Variants in LAMA3 observed in about 807,000 individuals in gnomAD.
LAMA3 encodes the protein laminin subunit alpha-3.
LAMA3 carries 281 observed loss-of-function variants against 402.0 expected under a neutral mutation model. The observed-to-expected ratio is 0.70, with a 90% CI of 0.63 to 0.77. LAMA3 has a LOEUF of 0.77. Among genes scored for constraint, LAMA3 ranks in the 30% least tolerant of loss-of-function variants. LAMA3 has a pLI of 0.00. For missense variants in LAMA3, 3,840 were observed against 4,215.5 expected (o/e 0.91, Z 2.47); for synonymous variants, 1,431 against 1,558.4 (o/e 0.92, Z 1.93).
At chr18:23,928,603 T>C in intron 63 of LAMA3, 22 bp from the exon 64 acceptor site, 1 of 1,612,576 alleles carries the variant, frequency 6.2e-7, no homozygotes, top group Non-Finnish European at 8.5e-7. Flanking sequence ...TGCCAGTAAT[T>C]TATTCCATGT....
chr18:23,819,665 A>T (rs1372271456), intron 18 of LAMA3, among the ~76,000 whole-genome samples, 176 bp from the exon 19 acceptor site: 1 of 152,204 alleles, frequency 6.6e-6, no homozygotes, highest in African/African-American at 2.4e-5. Context: ...GTGAATGTTT[A>T]TGTGAATTAA....
In LAMA3 at chr18:23,822,385, G is replaced by T. The variant is rs549948961; in HGVS notation, c.2428+10G>T. 1.2e-6 allele frequency: 2 copies of T among 1,612,676 alleles called. No individual in the cohort carries two copies. Among genetic ancestry groups the T allele is most frequent in the East Asian group, 2.2e-5 (1 of 44,872 alleles). On this transcript the variant is annotated intron_variant, in intron 20 of 74. Coordinates refer to ENST00000313654, the MANE Select transcript of LAMA3 (RefSeq NM_198129.4). ...ATTTATCCATCCTGGGGTAAGGCAC[G>T]TAGGTAAAATGTCAAGCCTCTTTTC...
intron 29 of LAMA3, among the ~76,000 whole-genome samples, chr18:23,843,819 A>T (rs935346815): frequency 6.6e-6 from 1 of 152,154 alleles, no homozygotes; most frequent in Non-Finnish European, 1.5e-5. Context: ...CGCTCTGGCC[A>T]TACAAATCCG....
At chr18:23,907,199 A>C (rs1357281961) in intron 52 of LAMA3, among the ~76,000 whole-genome samples, 1 of 152,258 alleles carries the variant, frequency 6.6e-6, no homozygotes, top group South Asian at 2.1e-4. Flanking sequence ...CAGACACTAC[A>C]TTATGTGGTA....
At chr18:23,859,941 C>A (rs573921391) in intron 34 of LAMA3, among the ~76,000 whole-genome samples, 1 of 152,306 alleles carries the variant, frequency 6.6e-6, no homozygotes, top group South Asian at 2.1e-4. Context: ...TCAGCCACCA[C>A]TTATCTCATT....
chr18:23,951,735 C>A lies in LAMA3; in HGVS notation c.9694C>A (p.Pro3232Thr). The A allele has an allele frequency of 6.2e-7, 1 of 1,613,966 alleles. No homozygotes were observed. The highest frequency in any genetic ancestry group is 2.2e-5 in the East Asian group (1 of 44,856). ...GAGGTSTSVTPKQSLCDGQWH... is the reference protein window; with the variant it reads ...GAGGTSTSVTTKQSLCDGQWH... ...AGGTGGGACCTCAACGTCGGTCACA[C>A]CAAAGCAGTCTCTGTGTGATGGACA... The change falls in exon 73 of 75, where the codon CCA becomes ACA. Residue 3232 changes from proline (P) to threonine (T), a missense_variant. This residue lies in a region of LAMA3 where 840 missense variants were observed against 981.9 expected (regional missense o/e 0.86). Transcript: ENST00000313654.
intron 41 of LAMA3, among the ~76,000 whole-genome samples, chr18:23,885,172 C>A (rs2065031259): frequency 2.0e-5 from 3 of 150,966 alleles, no homozygotes; most frequent in Admixed American, 2.0e-4. Flanking sequence ...CCCTCCTCCA[C>A]AATGATCTCT....
At chr18:23,729,429 A>T (rs2061354627) in intron 2 of LAMA3, among the ~76,000 whole-genome samples, 1 of 152,220 alleles carries the variant, frequency 6.6e-6, no homozygotes, top group South Asian at 2.1e-4. Flanking sequence ...AACTTGGAAC[A>T]CACTGAAGAC....
chr18:23,815,337 C>T, intron 16 of LAMA3, 97 bp downstream of exon 16: 2 of 1,359,262 alleles, frequency 1.5e-6, no homozygotes, highest in South Asian at 1.2e-5. Context: ...TGTCATTCTA[C>T]AGTGCATGGT....
chr18:23,741,938 G>A (rs1390929513), intron 2 of LAMA3, among the ~76,000 whole-genome samples: 1 of 152,120 alleles, frequency 6.6e-6, no homozygotes, highest in East Asian at 1.9e-4. Flanking sequence ...CCTGACCAAC[G>A]TGGAGAAAAC....
intron 32 of LAMA3, among the ~76,000 whole-genome samples, chr18:23,852,094 C>T (rs1191529206): frequency 6.6e-6 from 1 of 152,210 alleles, no homozygotes; most frequent in Non-Finnish European, 1.5e-5. Context: ...CATATTATCC[C>T]CCTTCCTTTC....
chr18:23,916,506 A>T (rs762711906), intron 59 of LAMA3, 45 bp from the exon 60 acceptor site: 1 of 1,606,286 alleles, frequency 6.2e-7, no homozygotes, highest in Non-Finnish European at 8.5e-7. Flanking sequence ...TGGCATGGTG[A>T]TCATTTGCTG....
At chr18:23,801,938 C>G (rs572201778) in intron 12 of LAMA3, among the ~76,000 whole-genome samples, 1 of 152,228 alleles carries the variant, frequency 6.6e-6, no homozygotes, top group Non-Finnish European at 1.5e-5. Context: ...GTTTTACATA[C>G]ATATAACATA....
chr18:23,840,046 G>A (rs2063664240), intron 27 of LAMA3, 117 bp downstream of exon 27: 1 of 1,115,230 alleles, frequency 9.0e-7, no homozygotes, highest in Non-Finnish European at 1.3e-6. Context: ...CAGACCTACT[G>A]AGTTGGAAGC....
intron 41 of LAMA3, among the ~76,000 whole-genome samples, chr18:23,888,707 A>T (rs1164320459): frequency 1.3e-5 from 2 of 152,208 alleles, no homozygotes; most frequent in Admixed American, 6.5e-5. Flanking sequence ...TTGGAAGTAC[A>T]TGGTAACGTG....
At chr18:23,809,098 A>C (rs1316054384) in intron 12 of LAMA3, among the ~76,000 whole-genome samples, 5 of 152,222 alleles carry the variant, frequency 3.3e-5, no homozygotes, top group African/African-American at 1.2e-4. Context: ...GACTTGGGTA[A>C]TTAGAATAAT....
intron 10 of LAMA3, among the ~76,000 whole-genome samples, chr18:23,776,641 T>C (rs139513158): frequency 2.6e-5 from 4 of 152,192 alleles, no homozygotes; most frequent in Middle Eastern, 6.8e-3. Context: ...AGGAAAAGCA[T>C]ATTGAGTTGT....
chr18:23,709,980 G>T (rs1266258748), intron 1 of LAMA3: 1 of 740,244 alleles, frequency 1.4e-6, no homozygotes, highest in African/African-American at 1.7e-5. Flanking sequence ...GTGTTTGTTG[G>T]CTTTAACATC....
Position 23,861,554 on chromosome 18 carries a change from C to T in LAMA3, c.4423-92C>T, listed in dbSNP as rs570038731. 301 of 1,436,264 alleles carry T rather than the reference C, an allele frequency of 2.1e-4. 1 individual carries two copies. The South Asian group carries it at 2.3e-3, about 11-fold the overall frequency. 89.0% of individuals were successfully genotyped at this position (1,436,264 alleles called of 1,614,324 possible). On this transcript the variant is annotated intron_variant, in intron 34 of 74. Transcript: ENST00000313654. ...AGGCCTCTGAGGCAAGGAGGCTGCC[C>T]GTGGAGCTTTCTGTAGTACATCATG...
Sources: allele counts gnomAD v4.1 joint callset (sites outside exome capture counted in the v4.1 genomes callset), GRCh38; gene constraint gnomAD v4.1.1; regional missense constraint gnomAD v4.1.1; transcripts MANE v1.5; gene names NCBI Gene and HGNC (gene_info 2026-07-23, HGNC 2026-07-21).